UBR1: variants seen among roughly 807,000 people sequenced by gnomAD.
UBR1 encodes ubiquitin protein ligase E3 component n-recognin 1.
In UBR1, 102 loss-of-function variants were observed where a neutral mutation model predicts 242.1. The ratio of observed to expected loss-of-function variants is 0.42; its 90% CI spans 0.36 to 0.50. UBR1 has a LOEUF of 0.50. Ranked by LOEUF, UBR1 falls within the 20% of genes least tolerant of loss-of-function variation. UBR1 has a pLI of 0.01. For missense variants in UBR1, 1,772 were observed against 2,101.8 expected, an observed-to-expected ratio of 0.84 and a Z score of 3.07; for synonymous variants, 675 against 684.8, an observed-to-expected ratio of 0.99 and a Z score of 0.22.
rs1235759223 is a variant in UBR1, at chr15:43,036,541, A to G, written c.2075T>C (p.Ile692Thr). The change falls in exon 18 of 47, where the codon ATC becomes ACC. Residue 692 changes from isoleucine to threonine, a missense_variant. Ile to Thr is a moderately conservative substitution (Grantham distance 89, BLOSUM62 -1). Around this residue, in one of 3 missense-constraint regions of UBR1, gnomAD observed 734 missense variants for 893.3 expected, o/e 0.82. Coordinates refer to ENST00000290650, the MANE Select transcript of UBR1 (RefSeq NM_174916.3). The stretch of plus-strand genomic sequence containing the variant: ...TTAAATAGGTACCTGAAGCATGATG[A>G]TATCTTTATCATACATTTCTTCTCT... ...KCREEMYDKD[I>T]IMLQIGASLM... 1 of 1,596,932 alleles carries G rather than the reference A, an allele frequency of 6.3e-7. No individual in the cohort carries two copies. Among genetic ancestry groups the G allele is most frequent in the Non-Finnish European group, 8.6e-7 (1 of 1,164,654 alleles).
At chr15:43,000,120 T>C (rs2032700665) in intron 32 of UBR1, among the ~76,000 whole-genome samples, 1 of 152,208 alleles carries the variant, frequency 6.6e-6, no homozygotes, top group African/African-American at 2.4e-5. Flanking sequence ...TATATGCTTT[T>C]ATCTTTACTA....
chr15:43,011,939 A>C (rs1162663471), intron 29 of UBR1: 2 of 453,210 alleles, frequency 4.4e-6, no homozygotes, highest in South Asian at 3.1e-5. Context: ...TAGAATCTAC[A>C]TTATAGGCCG....
At chr15:43,049,632 A>C (rs2033529498) in intron 12 of UBR1, among the ~76,000 whole-genome samples, 1 of 152,182 alleles carries the variant, frequency 6.6e-6, no homozygotes, top group Admixed American at 6.5e-5. Flanking sequence ...CAAAGATAGG[A>C]TTGTGGTTTA....
Position 43,016,194 on chromosome 15 carries a change from T to C in UBR1, c.3028-325A>G, listed in dbSNP as rs537444774. Among the ~76,000 whole-genome samples the C allele has an allele frequency of 2.0e-4, 31 of 152,344 alleles. No individual in the cohort carries two copies. The South Asian group carries it at 6.4e-3, about 32-fold the overall frequency. ...AATCATTTGTCAATCACTTAATCAC[T>C]GACAATTTAAACAATCTTGATTTCT... On this transcript the variant is annotated intron_variant, in intron 28 of 46. Coordinates refer to ENST00000290650, the MANE Select transcript of UBR1 (RefSeq NM_174916.3).
intron 12 of UBR1, among the ~76,000 whole-genome samples, chr15:43,049,764 G>A (rs1231947372): frequency 6.6e-6 from 1 of 152,008 alleles, no homozygotes; most frequent in Non-Finnish European, 1.5e-5. Context: ...TTCTTTTAAA[G>A]TAAAAGATAA....
intron 33 of UBR1, among the ~76,000 whole-genome samples, chr15:42,990,513 C>T (rs2032539571): frequency 6.6e-6 from 1 of 152,188 alleles, no homozygotes; most frequent in African/African-American, 2.4e-5. Flanking sequence ...TTTTAGGAAA[C>T]TTGGAATATG....
chr15:42,990,767 G>A (rs1202374515), intron 33 of UBR1, among the ~76,000 whole-genome samples: 1 of 152,126 alleles, frequency 6.6e-6, no homozygotes, highest in Non-Finnish European at 1.5e-5. Context: ...TGATAAGGCA[G>A]CATATGTTAG....
intron 1 of UBR1, chr15:43,091,838 A>C (rs770880921): frequency 6.4e-6 from 2 of 313,582 alleles, no homozygotes; most frequent in Non-Finnish European, 1.2e-5. Context: ...AGGCTGAGGC[A>C]GGAGAATCAC....
chr15:43,022,941 C>A (rs991127481), intron 25 of UBR1, 140 bp from the exon 26 acceptor site: 2 of 546,768 alleles, frequency 3.7e-6, no homozygotes, highest in South Asian at 2.0e-5. Context: ...TAGCTTACTG[C>A]AGCCTTAAGC....
At chr15:43,037,964 G>T in intron 16 of UBR1, 81 bp from the exon 17 acceptor site, 1 of 1,376,458 alleles carries the variant, frequency 7.3e-7, no homozygotes, top group Non-Finnish European at 1.0e-6. Flanking sequence ...ATATTCTTCA[G>T]TTTTCTCACG....
At chr15:43,072,460 C>A (rs993849827) in intron 4 of UBR1, among the ~76,000 whole-genome samples, 1 of 152,172 alleles carries the variant, frequency 6.6e-6, no homozygotes, top group East Asian at 1.9e-4. Flanking sequence ...TACAAAATCA[C>A]GTCCTCTGCA....
In UBR1 at chr15:42,945,068, G is replaced by C; in HGVS notation, c.*261C>G. 2.2e-6 allele frequency: 1 copy of C among 462,124 alleles called. No individual in the cohort carries two copies. The highest frequency in any genetic ancestry group is 2.2e-5 in the South Asian group (1 of 46,444). The allele number at this position is 462,124 out of a possible 1,614,324, so 28.6% of individuals were successfully genotyped here. A position where few individuals can be genotyped will look rare whatever the true frequency, so the allele number is the denominator to read the frequency against. Reference sequence around the variant, plus strand: ...CCAAGTGGATGAAATAAAATGAAATGAGACAAATTATGAAGGGGAATAAAT... The same window carrying C: ...CCAAGTGGATGAAATAAAATGAAATCAGACAAATTATGAAGGGGAATAAAT... On this transcript the variant is annotated 3_prime_UTR_variant, in exon 47 of 47. Transcript: ENST00000290650.
At chr15:42,967,713 G>A (rs1388920411) in intron 40 of UBR1, among the ~76,000 whole-genome samples, 1 of 151,424 alleles carries the variant, frequency 6.6e-6, no homozygotes, top group Non-Finnish European at 1.5e-5. Context: ...GTAGGGGGAG[G>A]GAGCAAATGG....
chr15:42,989,139 T>C (rs1173397019), intron 34 of UBR1, among the ~76,000 whole-genome samples, 172 bp from the exon 35 acceptor site: 1 of 152,158 alleles, frequency 6.6e-6, no homozygotes, highest in Admixed American at 6.5e-5. Context: ...TGGAAAAAAA[T>C]TGGAAGAGCA....
chr15:43,021,569 T>C (rs747611347), intron 26 of UBR1, among the ~76,000 whole-genome samples, 194 bp from the exon 27 acceptor site: 17 of 152,220 alleles, frequency 1.1e-4, no homozygotes, highest in Non-Finnish European at 2.4e-4. Flanking sequence ...AGATTACTTA[T>C]AATGCCTAAT....
rs1356141250 is a variant in UBR1 at position 43,037,894 on chromosome 15, G to C, written c.1912-11C>G. Reference sequence around the variant, plus strand: ...TACTTGAAAGTCCTCCTGAAATAGAGTGAGTTCAATTTTATCATTTCTCAC... The same window carrying C: ...TACTTGAAAGTCCTCCTGAAATAGACTGAGTTCAATTTTATCATTTCTCAC... On this transcript the variant is annotated splice_polypyrimidine_tract_variant and intron_variant, in intron 16 of 46. Coordinates refer to ENST00000290650, the MANE Select transcript of UBR1 (RefSeq NM_174916.3). The C allele has an allele frequency of 2.5e-6, 4 of 1,606,208 alleles. No individual in the cohort carries two copies. Among genetic ancestry groups the C allele is most frequent in the African/African-American group, 1.3e-5 (1 of 74,730 alleles).
chr15:42,952,298 G>A lies in UBR1; in HGVS notation c.4986C>T (p.Ala1662=), dbSNP rs762602476. Reference sequence around the variant, plus strand: ...CTCACTTTAGGAAAATGCAGACTCCGGCTCCACAGTGAAGTGCGTGAAAAA... The same window carrying A: ...CTCACTTTAGGAAAATGCAGACTCCAGCTCCACAGTGAAGTGCGTGAAAAA... ...ACIFHALHCG[A]GVCIFLKIRE... is the part of the protein sequence containing the mutation. Residue 1662 remains alanine, a synonymous_variant, in exon 45 of 47, where the codon GCC becomes GCT. Transcript: ENST00000290650. 6.8e-6 allele frequency: 11 copies of A among 1,613,978 alleles called. No individual in the cohort carries two copies. Among genetic ancestry groups the A allele is most frequent in the East Asian group, 2.2e-5 (1 of 44,886 alleles).
At chr15:43,089,481 C>T (rs978464041) in intron 1 of UBR1, among the ~76,000 whole-genome samples, 2 of 151,794 alleles carry the variant, frequency 1.3e-5, no homozygotes, top group Admixed American at 6.6e-5. Flanking sequence ...GGCGACAGAG[C>T]GAGAGTCCAT....
chr15:42,966,419 A>G (rs535686558), intron 40 of UBR1, 133 bp from the exon 41 acceptor site: 5 of 1,320,362 alleles, frequency 3.8e-6, no homozygotes, highest in Middle Eastern at 2.0e-4. Context: ...TTAAACATTT[A>G]AAACAAAATA....
Sources: gnomAD v4.1 joint callset for allele counts (sites outside exome capture counted in the v4.1 genomes callset) on GRCh38, gnomAD v4.1.1 for gene constraint, gnomAD v4.1.1 regional missense constraint, MANE v1.5 for transcripts, NCBI Gene and HGNC (gene_info 2026-07-23, HGNC 2026-07-21) for gene names.